Variants in CAT observed in about 807,000 individuals in gnomAD.
CAT encodes epididymis secretory sperm binding protein.
Under a neutral mutation model 59.0 loss-of-function variants are expected in CAT, and 43 were observed. That is an observed-to-expected ratio of 0.73 (90% confidence interval 0.57 to 0.94). The LOEUF (loss-of-function observed/expected upper bound fraction) is 0.94, where lower values mean the gene tolerates loss of function less well. Ranked by LOEUF, CAT falls within the 40% of genes least tolerant of loss-of-function variation. The pLI, the probability that CAT is intolerant of heterozygous loss-of-function variation, is 0.00. For synonymous variants in CAT, 218 were observed against 230.9 expected, an observed-to-expected ratio of 0.94 and a Z score of 0.51; for missense variants, 664 against 682.9, an observed-to-expected ratio of 0.97 and a Z score of 0.31.
rs747262389 is a variant in CAT, at chr11:34,451,013, A to G, written c.264A>G (p.Thr88=). 6.2e-7 allele frequency: 1 copy of G among 1,613,396 alleles called. No homozygotes were observed. Among genetic ancestry groups the G allele is most frequent in the Non-Finnish European group, 8.5e-7 (1 of 1,179,274 alleles). Residue 88 remains threonine (T), a synonymous_variant, in exon 3 of 13, where the codon ACA becomes ACG. Transcript: ENST00000241052. ...GGGCCTTTGGCTACTTTGAGGTCAC[A>G]CATGACATTACCAAATACTCCAAGG... ...GAGAFGYFEV[T]HDITKYSKAK... is the part of the protein sequence containing the mutation.
Position 34,471,638 on chromosome 11 carries a change from T to TAA in CAT, c.*214_*215dup. On this transcript the variant is annotated 3_prime_UTR_variant, in exon 13 of 13. Transcript: ENST00000241052. ...TGAAGGTTAGGATTTAACAGTCATT[T>TAA]AAAAAAAAAATTTGTTTTGACGGAT... The TAA allele has an allele frequency of 3.7e-6, 2 of 547,198 alleles. No individual in the cohort carries two copies. The highest frequency in any genetic ancestry group is 6.6e-6 in the Non-Finnish European group (2 of 304,874). The allele number at this position is 547,198 out of a possible 1,614,324, so 33.9% of individuals were successfully genotyped here.
Position 34,461,256 on chromosome 11 carries a change from C to T in CAT, c.1062C>T (p.Arg354=), listed in dbSNP as rs1307777306. Residue 354 remains arginine (R), a synonymous_variant, in exon 9 of 13, where the codon CGC becomes CGT. Transcript: ENST00000241052. ...EASPDKMLQG[R]LFAYPDTHRH... is the part of the protein sequence containing the mutation. ...TATTGTATTTATTACTGCAGGGCCG[C>T]CTTTTTGCCTATCCTGACACTCACC... The T allele has an allele frequency of 5.0e-6, 8 of 1,614,096 alleles. No homozygotes were observed. Among genetic ancestry groups the T allele is most frequent in the Non-Finnish European group, 6.8e-6 (8 of 1,180,036 alleles).
At chr11:34,469,588 C>T (rs1564967899) in intron 11 of CAT, among the ~76,000 whole-genome samples, 2 of 152,046 alleles carry the variant, frequency 1.3e-5, no homozygotes. Context: ...AGCGCTTACT[C>T]TGAGGTCAGC....
chr11:34,439,073 C>A lies in CAT; in HGVS notation c.60C>A (p.Ala20=), dbSNP rs752119282. Residue 20 remains alanine, a synonymous_variant, in exon 1 of 13, where the codon GCC becomes GCA. Coordinates refer to ENST00000241052, the MANE Select transcript of CAT (RefSeq NM_001752.4). ...TGCAGCACTGGAAGGAGCAGCGGGC[C>A]GCGCAGGTACACTCTGTGCTCCCCG... ...DQMQHWKEQR[A]AQKADVLTTG... 1.6e-5 allele frequency: 25 copies of A among 1,589,306 alleles called. No homozygotes were observed. Among genetic ancestry groups the A allele is most frequent in the Non-Finnish European group, 2.1e-5 (25 of 1,167,912 alleles).
intron 9 of CAT, among the ~76,000 whole-genome samples, chr11:34,463,503 A>G (rs1360009892): frequency 6.6e-6 from 1 of 152,224 alleles, no homozygotes; most frequent in East Asian, 1.9e-4. Flanking sequence ...TAATGGAAAT[A>G]CTGTATATGC....
intron 11 of CAT, 59 bp downstream of exon 11, chr11:34,468,454 G>A: frequency 2.5e-6 from 3 of 1,178,424 alleles, no homozygotes; most frequent in Non-Finnish European, 2.6e-6. Context: ...GTGCAGCTGT[G>A]TGGGAGAACC....
rs139421991 is a variant in CAT at position 34,456,720 on chromosome 11, G to T, written c.959G>T (p.Arg320Leu). 6.2e-7 allele frequency: 1 copy of T among 1,613,990 alleles called. No homozygotes were observed. The highest frequency in any genetic ancestry group is 1.7e-5 in the Admixed American group (1 of 60,022). ...LIPVGKLVLN[R>L]NPVNYFAEVE... ...CCAGTTGGTAAACTGGTCTTAAACC[G>T]GAATCCAGTTAATTACTTTGCTGAG... The change falls in exon 8 of 13, where the codon CGG becomes CTG. Residue 320 changes from arginine to leucine, a missense_variant. Arg to Leu is a moderately radical substitution (Grantham distance 102). Coordinates refer to ENST00000241052, the MANE Select transcript of CAT (RefSeq NM_001752.4).
chr11:34,469,349 T>C (rs1293391050), intron 11 of CAT, among the ~76,000 whole-genome samples: 1 of 152,144 alleles, frequency 6.6e-6, no homozygotes, highest in Non-Finnish European at 1.5e-5. Context: ...TACGACAGCT[T>C]GTAAATAGCA....
intron 11 of CAT, among the ~76,000 whole-genome samples, chr11:34,469,227 A>G (rs1031981960): frequency 2.6e-5 from 4 of 152,176 alleles, no homozygotes; most frequent in Non-Finnish European, 4.4e-5. Flanking sequence ...CTGGGCTAGC[A>G]GCTGTCTGGG....
chr11:34,452,752 G>T (rs537884678), intron 4 of CAT, among the ~76,000 whole-genome samples: 1 of 152,072 alleles, frequency 6.6e-6, no homozygotes, highest in South Asian at 2.1e-4. Flanking sequence ...CTACTTGGGA[G>T]GCTGAGGTGG....
chr11:34,471,526 A>C lies in CAT; in HGVS notation c.*93A>C, dbSNP rs1590312170. The C allele has an allele frequency of 9.4e-7, 1 of 1,061,936 alleles. No homozygotes were observed. The highest frequency in any genetic ancestry group is 1.3e-5 in the South Asian group (1 of 80,000). The allele number at this position is 1,061,936 out of a possible 1,614,324, so 65.8% of individuals were successfully genotyped here. A position where few individuals can be genotyped will look rare whatever the true frequency, so the allele number is the denominator to read the frequency against. On this transcript the variant is annotated 3_prime_UTR_variant, in exon 13 of 13. Coordinates refer to ENST00000241052, the MANE Select transcript of CAT (RefSeq NM_001752.4). Reference sequence around the variant, plus strand: ...AAGATTCTCCTGTGCTAGATGTGCAAATGCAAGCTAGTGGCTTCAAAATAG... The same window carrying C: ...AAGATTCTCCTGTGCTAGATGTGCACATGCAAGCTAGTGGCTTCAAAATAG...
intron 6 of CAT, 89 bp from the exon 7 acceptor site, chr11:34,455,922 T>C: frequency 9.7e-7 from 1 of 1,033,846 alleles, no homozygotes; most frequent in Non-Finnish European, 1.5e-6. Context: ...TTGGGCAGTG[T>C]TACTCATAAT....
intron 1 of CAT, among the ~76,000 whole-genome samples, chr11:34,446,749 T>C (rs1375259453): frequency 6.7e-6 from 1 of 148,468 alleles, no homozygotes; most frequent in African/African-American, 2.5e-5. Context: ...GTCCCCCCCT[T>C]TTTTTTTTTG....
intron 8 of CAT, among the ~76,000 whole-genome samples, chr11:34,458,164 A>G (rs12273124): frequency 0.11 from 16,952 of 152,210 alleles, 1,853 homozygotes; most frequent in African/African-American, 0.29. Flanking sequence ...TGAAGAATAG[A>G]TAGGATTTTG....
At chr11:34,461,184 T>G in intron 8 of CAT, 67 bp from the exon 9 acceptor site, 2 of 1,545,992 alleles carry the variant, frequency 1.3e-6, no homozygotes, top group Non-Finnish European at 1.8e-6. Context: ...CAGAATGAAG[T>G]TTACAGCCCA....
intron 8 of CAT, among the ~76,000 whole-genome samples, chr11:34,458,436 T>G (rs1178593638): frequency 6.6e-6 from 1 of 152,074 alleles, no homozygotes; most frequent in Non-Finnish European, 1.5e-5. Context: ...AAGCGACAAC[T>G]AGGGATTGGG....
At chr11:34,461,065 G>A in intron 8 of CAT, 186 bp from the exon 9 acceptor site, 1 of 717,724 alleles carries the variant, frequency 1.4e-6, no homozygotes, top group Admixed American at 1.9e-5. Context: ...ATTCAGAACT[G>A]TTCAGTTAGG....
At chr11:34,455,203 A>C (rs1036398665) in intron 6 of CAT, among the ~76,000 whole-genome samples, 33 of 152,218 alleles carry the variant, frequency 2.2e-4, no homozygotes, top group African/African-American at 7.7e-4. Context: ...TTCAGTAGTA[A>C]GAGTTCAAAC....
In CAT at chr11:34,456,174, T is replaced by C. The variant is rs769376587; in HGVS notation, c.875T>C (p.Phe292Ser). 5.0e-6 allele frequency: 8 copies of C among 1,614,034 alleles called. No individual in the cohort carries two copies. The South Asian group carries it at 8.8e-5, about 18-fold the overall frequency. Residue 292 changes from phenylalanine (F) to serine (S), a missense_variant, in exon 7 of 13, where the codon TTT (phenylalanine) becomes TCT (serine). Physicochemically the swap from Phe to Ser is radical, Grantham distance 155. Transcript: ENST00000241052. Reference sequence around the variant, plus strand: ...ATGACATTTAATCAGGCAGAAACTTTTCCATTTAATCCATTCGATCTCACC... The same window carrying C: ...ATGACATTTAATCAGGCAGAAACTTCTCCATTTAATCCATTCGATCTCACC... ...QVMTFNQAET[F>S]PFNPFDLTKV...
Sources: gnomAD v4.1 joint callset for allele counts (sites outside exome capture counted in the v4.1 genomes callset) on GRCh38, gnomAD v4.1.1 for gene constraint, MANE v1.5 for transcripts, NCBI Gene and HGNC (gene_info 2026-07-23, HGNC 2026-07-21) for gene names.